DPYD: variants seen among roughly 807,000 people sequenced by gnomAD.
DPYD encodes the protein dihydropyrimidine dehydrogenase.
In DPYD, 109 loss-of-function variants were observed where a neutral mutation model predicts 116.2. The observed-to-expected ratio is 0.94, with a 90% CI of 0.80 to 1.10. The LOEUF (loss-of-function observed/expected upper bound fraction) is 1.10. Among genes scored for constraint, DPYD ranks in the 50% least tolerant of loss-of-function variants. DPYD has a pLI of 0.00. For missense variants in DPYD, 1,302 were observed against 1,254.5 expected (o/e 1.04, Z -0.57); for synonymous variants, 440 against 432.0 (o/e 1.02, Z -0.23).
intron 20 of DPYD, among the ~76,000 whole-genome samples, chr1:97,173,013 T>C (rs1456783894): frequency 2.0e-5 from 3 of 152,160 alleles, no homozygotes; most frequent in South Asian, 2.1e-4. Context: ...ATAGCAGTTA[T>C]GTTGAGGAGT....
intron 5 of DPYD, among the ~76,000 whole-genome samples, chr1:97,702,998 T>G (rs1163939340): frequency 6.6e-6 from 1 of 151,982 alleles, no homozygotes; most frequent in Non-Finnish European, 1.5e-5. Flanking sequence ...GTGCACATAC[T>G]AGAATGTAAA....
intron 3 of DPYD, among the ~76,000 whole-genome samples, chr1:97,793,289 C>G (rs1197864193): frequency 6.6e-6 from 1 of 152,126 alleles, no homozygotes; most frequent in African/African-American, 2.4e-5. Flanking sequence ...TGATTCACCT[C>G]AAATTGATAT....
At chr1:97,494,919 C>T (rs888564892) in intron 13 of DPYD, among the ~76,000 whole-genome samples, 4 of 152,108 alleles carry the variant, frequency 2.6e-5, no homozygotes, top group Non-Finnish European at 5.9e-5. Flanking sequence ...AATGCATGCA[C>T]AAGTGCTGGG....
intron 20 of DPYD, among the ~76,000 whole-genome samples, chr1:97,100,189 TAA>T (rs1307279593): frequency 6.6e-6 from 1 of 151,976 alleles, no homozygotes; most frequent in East Asian, 1.9e-4. Context: ...ATAAAATAAA[TAA>T]GAGTATAAAA....
At chr1:97,567,871 TTTC>T (rs1055064874) in intron 11 of DPYD, among the ~76,000 whole-genome samples, 29 of 53,686 alleles carry the variant, frequency 5.4e-4, no homozygotes, top group Middle Eastern at 7.7e-3. Flanking sequence ...AAAATGGAGA[TTTC>T]TTTTTTTTTT....
chr1:97,502,550 C>T (rs1379699306), intron 13 of DPYD, among the ~76,000 whole-genome samples: 2 of 151,896 alleles, frequency 1.3e-5, no homozygotes, highest in Non-Finnish European at 2.9e-5. Flanking sequence ...TTTAAGCAAA[C>T]AGCCACGATC....
intron 11 of DPYD, among the ~76,000 whole-genome samples, chr1:97,573,041 T>G (rs373001422): frequency 6.6e-6 from 1 of 152,130 alleles, no homozygotes. Flanking sequence ...AATTGTCATT[T>G]CAATAATGTG....
intron 8 of DPYD, among the ~76,000 whole-genome samples, chr1:97,603,095 A>C (rs1655366844): frequency 1.3e-5 from 2 of 151,914 alleles, no homozygotes; most frequent in Non-Finnish European, 2.9e-5. Flanking sequence ...GCTATAAAAC[A>C]ATTTCCTTAA....
At chr1:97,405,810 C>T (rs1025866653) in intron 14 of DPYD, among the ~76,000 whole-genome samples, 1 of 152,164 alleles carries the variant, frequency 6.6e-6, no homozygotes, top group Non-Finnish European at 1.5e-5. Flanking sequence ...AGCCACTGTG[C>T]CTGGCCCTCT....
intron 13 of DPYD, among the ~76,000 whole-genome samples, chr1:97,494,124 T>G (rs557256373): frequency 1.3e-5 from 2 of 152,334 alleles, no homozygotes; most frequent in African/African-American, 2.4e-5. Flanking sequence ...ACACAATAAC[T>G]ACCCAATGCT....
At chr1:97,407,575 G>A (rs746459379) in intron 14 of DPYD, among the ~76,000 whole-genome samples, 10 of 152,110 alleles carry the variant, frequency 6.6e-5, no homozygotes, top group African/African-American at 9.7e-5. Flanking sequence ...ATGGTGGAAT[G>A]GCCTTTTGAA....
chr1:97,419,704 C>T (rs564259351), intron 14 of DPYD, among the ~76,000 whole-genome samples: 17 of 151,958 alleles, frequency 1.1e-4, no homozygotes, highest in African/African-American at 3.9e-4. Flanking sequence ...GCATACAGTT[C>T]TGCAACTTGG....
At chr1:97,223,224 C>T (rs908233007) in intron 19 of DPYD, among the ~76,000 whole-genome samples, 1 of 152,008 alleles carries the variant, frequency 6.6e-6, no homozygotes, top group Non-Finnish European at 1.5e-5. Context: ...ATCAGAGCAG[C>T]TTTGATTATT....
At chr1:97,261,466 T>C (rs1663868776) in intron 18 of DPYD, among the ~76,000 whole-genome samples, 1 of 151,346 alleles carries the variant, frequency 6.6e-6, no homozygotes, top group East Asian at 1.9e-4. Flanking sequence ...ATGACTTTCT[T>C]TGAGAAAATG....
chr1:97,578,619 A>G (rs1234990186), intron 10 of DPYD, among the ~76,000 whole-genome samples: 1 of 152,202 alleles, frequency 6.6e-6, no homozygotes, highest in Non-Finnish European at 1.5e-5. Context: ...ATGTCCAAGA[A>G]TAACAACTGT....
chr1:97,388,450 A>C (rs764452600), intron 14 of DPYD, among the ~76,000 whole-genome samples: 10 of 152,084 alleles, frequency 6.6e-5, no homozygotes, highest in Non-Finnish European at 1.2e-4. Flanking sequence ...AGAGAAAAAG[A>C]AAGGCCCTAG....
chr1:97,193,038 C>A (rs754480187), intron 20 of DPYD, 31 bp downstream of exon 20: 1 of 1,612,202 alleles, frequency 6.2e-7, no homozygotes, highest in East Asian at 2.2e-5. Context: ...GCTGAGTTCT[C>A]AAGAATAACA....
At chr1:97,758,625 T>C (rs1665396220) in intron 3 of DPYD, among the ~76,000 whole-genome samples, 1 of 152,182 alleles carries the variant, frequency 6.6e-6, no homozygotes, top group African/African-American at 2.4e-5. Context: ...GTGATTAGGA[T>C]ATAGAATGTT....
intron 2 of DPYD, chr1:97,856,390 T>C (rs546557571): frequency 1.3e-5 from 2 of 152,154 alleles, no homozygotes; most frequent in African/African-American, 4.8e-5. Flanking sequence ...ACCTATAAAA[T>C]ATAAGCCTAA....
Sources: gnomAD v4.1 joint callset for allele counts (sites outside exome capture counted in the v4.1 genomes callset) on GRCh38, gnomAD v4.1.1 for gene constraint, MANE v1.5 for transcripts, NCBI Gene and HGNC (gene_info 2026-07-23, HGNC 2026-07-21) for gene names.